The following KLF15 variants were observed in gnomAD, a reference collection of about 807,000 sequenced individuals.
KLF15 encodes the protein Krueppel-like factor 15.
KLF15 carries 4 observed loss-of-function variants against 24.6 expected under a neutral mutation model. That is an observed-to-expected ratio of 0.16 (90% confidence interval 0.08 to 0.37). The LOEUF (loss-of-function observed/expected upper bound fraction) is 0.37. Among genes scored for constraint, KLF15 ranks in the 10% least tolerant of loss-of-function variants. KLF15 has a pLI of 1.00. For synonymous variants in KLF15, 246 were observed against 236.3 expected, an observed-to-expected ratio of 1.04 and a Z score of -0.37; for missense variants, 496 against 560.6, an observed-to-expected ratio of 0.88 and a Z score of 1.16.
intron 2 of KLF15, among the ~76,000 whole-genome samples, chr3:126,346,718 C>T (rs987067651): frequency 6.7e-6 from 1 of 148,592 alleles, no homozygotes; most frequent in Non-Finnish European, 1.5e-5. Context: ...CCTCAGAAGA[C>T]CCCCTGCCTC....
At chr3:126,327,836 C>T in the KLF15 span, among the ~76,000 whole-genome samples, 1 of 152,148 alleles carries the variant, frequency 6.6e-6, no homozygotes, top group Non-Finnish European at 1.5e-5. Flanking sequence ...AGATTGTTCA[C>T]AAATGTTTGC....
the KLF15 span, among the ~76,000 whole-genome samples, chr3:126,305,697 G>A: frequency 6.6e-6 from 1 of 152,188 alleles, no homozygotes; most frequent in East Asian, 1.9e-4. Flanking sequence ...AGGCAAGAGT[G>A]GAAGTTTTTG....
chr3:126,352,530 A>C lies in KLF15; in HGVS notation c.393T>G (p.Asp131Glu). The C allele has an allele frequency of 6.2e-7, 1 of 1,613,072 alleles. No individual in the cohort carries two copies. Among genetic ancestry groups the C allele is most frequent in the Non-Finnish European group, 8.5e-7 (1 of 1,180,018 alleles). Reference sequence around the variant, plus strand: ...TAGGCTGGAAGGGCCGTGGGACGTCATCAGGATCACCCAAAGGAAACTCGG... The same window carrying C: ...TAGGCTGGAAGGGCCGTGGGACGTCCTCAGGATCACCCAAAGGAAACTCGG... Reference protein sequence around the residue: ...CLPEFPLGDPDDVPRPFQPTL... With the variant: ...CLPEFPLGDPEDVPRPFQPTL... The change falls in exon 2 of 3, where the codon GAT (aspartate) becomes GAG (glutamate). Residue 131 changes from aspartate to glutamate, a missense_variant. Asp to Glu is a conservative substitution (Grantham distance 45). This residue lies in a region of KLF15 where 399 missense variants were observed against 423.1 expected (regional missense o/e 0.94). Transcript: ENST00000296233.
chr3:126,326,744 G>A, the KLF15 span, among the ~76,000 whole-genome samples: 1 of 151,858 alleles, frequency 6.6e-6, no homozygotes, highest in South Asian at 2.1e-4. Context: ...GTTTTTAACT[G>A]TTGTTGTATT....
rs2082635052 is a variant in KLF15, at chr3:126,356,706, G to A, written c.-26+531C>T. Among the ~76,000 whole-genome samples the A allele has an allele frequency of 6.6e-6, 1 of 152,078 alleles. No individual in the cohort carries two copies. The highest frequency in any genetic ancestry group is 2.4e-5 in the African/African-American group (1 of 41,422). On this transcript the variant is annotated intron_variant, in intron 1 of 2. Transcript: ENST00000296233. This position sits in a 1 kb window ranked among gnomAD's most constrained non-coding sequence, Gnocchi z 4.4. Reference sequence around the variant, plus strand: ...GCCGCCGTGGGTGCCGGCGGGTGAGGGGAAACGTGCGTGGGAAATGAAGAG... The same window carrying A: ...GCCGCCGTGGGTGCCGGCGGGTGAGAGGAAACGTGCGTGGGAAATGAAGAG...
the KLF15 span, among the ~76,000 whole-genome samples, chr3:126,326,512 A>G: frequency 6.6e-6 from 1 of 152,254 alleles, no homozygotes; most frequent in Admixed American, 6.5e-5. Context: ...ACTAGAATTT[A>G]TAGATGAATA....
chr3:126,292,648 G>A, the KLF15 span, among the ~76,000 whole-genome samples: 1 of 152,134 alleles, frequency 6.6e-6, no homozygotes, highest in Admixed American at 6.5e-5. Context: ...GAGGAAGGAG[G>A]ATGAGATGAG....
At chr3:126,344,010 G>T in intron 2 of KLF15, 115 bp from the exon 3 acceptor site, 1 of 1,063,618 alleles carries the variant, frequency 9.4e-7, no homozygotes, top group Non-Finnish European at 1.3e-6. Context: ...AAGGGTGGCT[G>T]CGCAGACCTG....
chr3:126,300,557 C>T, the KLF15 span, among the ~76,000 whole-genome samples: 2,065 of 152,332 alleles, frequency 0.014, 56 homozygotes, highest in African/African-American at 0.048. Context: ...TCACAATGTG[C>T]GGCTTTCCGG....
Position 126,352,508 on chromosome 3 carries a change from G to C in KLF15, c.415C>G (p.Pro139Ala). ...AACTCTTCAATCTCCTCCAGGGTAG[G>C]CTGGAAGGGCCGTGGGACGTCATCA... The part of the protein sequence containing the change: ...DPDDVPRPFQ[P>A]TLEEIEEFLE... The change falls in exon 2 of 3, where the codon CCT becomes GCT. Residue 139 changes from proline (P) to alanine (A), a missense_variant. Pro to Ala is a conservative substitution (Grantham distance 27). Around this residue, in one of 3 missense-constraint regions of KLF15, gnomAD observed 399 missense variants for 423.1 expected, o/e 0.94. Coordinates refer to ENST00000296233, the MANE Select transcript of KLF15 (RefSeq NM_014079.4). 1.2e-6 allele frequency: 2 copies of C among 1,613,268 alleles called. No individual in the cohort carries two copies. The highest frequency in any genetic ancestry group is 1.7e-6 in the Non-Finnish European group (2 of 1,180,028).
At chr3:126,299,637 T>A in the KLF15 span, among the ~76,000 whole-genome samples, 1 of 149,184 alleles carries the variant, frequency 6.7e-6, no homozygotes, top group Admixed American at 6.8e-5. Context: ...TAGTCCCAGC[T>A]ACTCAGGAGG....
the KLF15 span, among the ~76,000 whole-genome samples, chr3:126,324,755 CTT>C: frequency 1.8e-4 from 20 of 109,882 alleles, no homozygotes; most frequent in Admixed American, 3.0e-4. Context: ...GTGATGTTAA[CTT>C]TTTTTTTTTT....
chr3:126,330,368 C>T, the KLF15 span, among the ~76,000 whole-genome samples: 4 of 152,206 alleles, frequency 2.6e-5, no homozygotes, highest in African/African-American at 9.6e-5. Flanking sequence ...CATTGACATG[C>T]AATCAGTCCA....
the KLF15 span, among the ~76,000 whole-genome samples, chr3:126,311,884 G>T: frequency 6.6e-6 from 1 of 152,236 alleles, no homozygotes; most frequent in East Asian, 1.9e-4. Context: ...TCAAAGGTGG[G>T]GAGGCCACTG....
chr3:126,334,982 T>A, the KLF15 span, among the ~76,000 whole-genome samples: 2 of 131,000 alleles, frequency 1.5e-5, no homozygotes, highest in East Asian at 2.1e-4. Context: ...ACAGCTGAAT[T>A]ATACCAGAGG....
chr3:126,340,366 G>C (rs1237317094), downstream of KLF15, among the ~76,000 whole-genome samples: 1 of 152,214 alleles, frequency 6.6e-6, no homozygotes, highest in East Asian at 1.9e-4. Flanking sequence ...CCCCTTGCCT[G>C]CTTCTCCCAG....
At chr3:126,317,865 C>T in the KLF15 span, among the ~76,000 whole-genome samples, 1 of 152,146 alleles carries the variant, frequency 6.6e-6, no homozygotes, top group Non-Finnish European at 1.5e-5. Flanking sequence ...GTCTTCTGTC[C>T]CTCGGTCGGA....
At chr3:126,291,103 C>T in the KLF15 span, 15 of 152,212 alleles carry the variant, frequency 9.9e-5, no homozygotes, top group African/African-American at 3.6e-4. Context: ...TAGGGAGGGG[C>T]TCCCACAGGA....
At chr3:126,329,541 CT>C in the KLF15 span, among the ~76,000 whole-genome samples, 1 of 152,190 alleles carries the variant, frequency 6.6e-6, no homozygotes, top group African/African-American at 2.4e-5. Context: ...ATTTAAACCT[CT>C]ATAGGATGTT....
Sources: gnomAD v4.1 joint callset for allele counts (sites outside exome capture counted in the v4.1 genomes callset) on GRCh38, gnomAD v4.1.1 for gene constraint, gnomAD v4.1.1 regional missense constraint, Gnocchi (gnomAD v3.1) non-coding constraint, MANE v1.5 for transcripts, NCBI Gene and HGNC (gene_info 2026-07-23, HGNC 2026-07-21) for gene names.